The following MIIP variants were observed in gnomAD, a reference collection of about 807,000 sequenced individuals.
MIIP encodes the protein migration and invasion inhibitory protein.
MIIP carries 44 observed loss-of-function variants against 44.8 expected under a neutral mutation model. The ratio of observed to expected loss-of-function variants is 0.98; its 90% CI spans 0.77 to 1.26. MIIP has a LOEUF of 1.26. Ranked by LOEUF, MIIP falls within the 50% of genes most tolerant of loss-of-function variation. The probability of loss-of-function intolerance (pLI) is 0.00; values close to 1 mark genes in which losing one functional copy is unlikely to be tolerated. For synonymous variants in MIIP, 225 were observed against 218.3 expected (o/e 1.03, Z -0.27); for missense variants, 496 against 511.7 (o/e 0.97, Z 0.30).
chr1:12,020,154 C>G (rs766776699), intron 1 of MIIP, among the ~76,000 whole-genome samples: 15 of 152,176 alleles, frequency 9.9e-5, no homozygotes, highest in Non-Finnish European at 5.9e-5. Context: ...ACTCATGGAC[C>G]CTGGAGTCAA....
chr1:12,030,220 A>T lies in MIIP; in HGVS notation c.942+96A>T. ...GGGTCACAGAGCGAGACTGGGCTCG[A>T]CAAGGGTGAGCGCCCAAGTCTCTGG... On this transcript the variant is annotated intron_variant, in intron 8 of 9. Coordinates refer to ENST00000235332, the MANE Select transcript of MIIP (RefSeq NM_021933.4). 3 of 1,203,712 alleles carry T rather than the reference A, an allele frequency of 2.5e-6. No homozygotes were observed. In the South Asian group the frequency reaches 3.8e-5, roughly 15 times the overall value. 74.6% of individuals were successfully genotyped at this position (1,203,712 alleles called of 1,614,324 possible).
intron 9 of MIIP, 97 bp downstream of exon 9, chr1:12,031,500 T>C (rs1640242221): frequency 1.5e-5 from 24 of 1,562,166 alleles, no homozygotes; most frequent in Non-Finnish European, 2.1e-5. Context: ...GGGGGTAGGA[T>C]TGAGGTGGGG....
At position 12,031,274 on chromosome 1, in the gene MIIP, G is replaced by A. The variant is rs1003075967; in HGVS notation, c.951G>A (p.Leu317=). The change falls in exon 9 of 10, where the codon CTG becomes CTA. Residue 317 remains leucine, a synonymous_variant. Coordinates refer to ENST00000235332, the MANE Select transcript of MIIP (RefSeq NM_021933.4). ...CTCCTTGCCTTCCACAGCACTGCCT[G>A]CTGGGCTGGGACATTTTTCCTCCGA... is the stretch of plus-strand genomic sequence containing the variant. ...SDTLALPRHC[L]LGWDIFPPKS... The A allele has an allele frequency of 4.3e-6, 7 of 1,613,536 alleles. No homozygotes were observed. The highest frequency in any genetic ancestry group is 5.9e-6 in the Non-Finnish European group (7 of 1,179,778).
intron 8 of MIIP, among the ~76,000 whole-genome samples, chr1:12,030,604 C>T (rs894700618): frequency 5.0e-5 from 7 of 140,388 alleles, no homozygotes; most frequent in Non-Finnish European, 1.1e-4. Context: ...TTCTTACTGC[C>T]CAGGCTGGAG....
Position 12,029,152 on chromosome 1 carries a change from G to C in MIIP, c.656+11G>C, listed in dbSNP as rs757549978. 6 of 1,613,708 alleles carry C rather than the reference G, an allele frequency of 3.7e-6. 1 individual carries two copies. In the South Asian group the frequency reaches 6.6e-5, roughly 18 times the overall value. ...CTGCAGCCATCCTGAGTGAGCAGGG[G>C]CGGGCGAGGGTGGGCGAGGGCGGCT... is the stretch of plus-strand genomic sequence containing the variant. On this transcript the variant is annotated intron_variant, in intron 5 of 9. Transcript: ENST00000235332.
At chr1:12,023,059 C>CTTTTTT (rs869060053) in intron 4 of MIIP, 142 bp downstream of exon 4, 6 of 353,314 alleles carry the variant, frequency 1.7e-5, no homozygotes, top group Admixed American at 1.4e-4. Flanking sequence ...GGAGCACCCT[C>CTTTTTT]TTTTTTTTTT....
intron 4 of MIIP, 129 bp downstream of exon 4, chr1:12,023,046 T>C (rs1231912109): frequency 1.6e-5 from 9 of 560,300 alleles, no homozygotes; most frequent in Non-Finnish European, 2.5e-5. Flanking sequence ...CCATCCTCCG[T>C]GGGGAGCACC....
Position 12,022,901 on chromosome 1 carries a change from CTATGA to C in MIIP, c.532_536del (p.Tyr178LeufsTer17). On this transcript the variant is annotated frameshift_variant, in exon 4 of 10. Coordinates refer to ENST00000235332, the MANE Select transcript of MIIP (RefSeq NM_021933.4). LOFTEE classifies it high-confidence loss of function. ...GCTGGCGCCTCAGGCCATACCTGGGCTATGACTGGATTGCAGGTAAGGCGTGCTGT... is the reference window on the plus strand; with the variant it reads ...GCTGGCGCCTCAGGCCATACCTGGGCCTGGATTGCAGGTAAGGCGTGCTGT... 2 of 1,610,142 alleles carry C rather than the reference CTATGA, an allele frequency of 1.2e-6. No homozygotes were observed. Among genetic ancestry groups the C allele is most frequent in the South Asian group, 1.1e-5 (1 of 90,108 alleles).
Position 12,022,273 on chromosome 1 carries a change from C to T in MIIP, c.293C>T (p.Ala98Val). The change falls in exon 3 of 10, where the codon GCC (alanine) becomes GTC (valine). Residue 98 changes from alanine (A) to valine (V), a missense_variant. Physicochemically the swap from Ala to Val is moderately conservative, Grantham distance 64. Transcript: ENST00000235332. ...TCGGGGGTGGCCTCTCTCCCACCTGCCAAATGCCAGCACCAGGAGTCCCTG... is the reference window on the plus strand; with the variant it reads ...TCGGGGGTGGCCTCTCTCCCACCTGTCAAATGCCAGCACCAGGAGTCCCTG... ...ARSGVASLPP[A>V]KCQHQESLGR... 1.2e-6 allele frequency: 2 copies of T among 1,613,808 alleles called. No homozygotes were observed. Among genetic ancestry groups the T allele is most frequent in the Non-Finnish European group, 1.7e-6 (2 of 1,179,932 alleles).
At position 12,031,315 on chromosome 1, in the gene MIIP, C is replaced by T. The variant is rs751409525; in HGVS notation, c.992C>T (p.Ser331Leu). 32 of 1,613,880 alleles carry T rather than the reference C, an allele frequency of 2.0e-5. No individual in the cohort carries two copies. The highest frequency in any genetic ancestry group is 2.6e-5 in the Non-Finnish European group (31 of 1,179,926). Residue 331 changes from serine to leucine, a missense_variant, in exon 9 of 10, where the codon TCA becomes TTA. Physicochemically the swap from Ser to Leu is moderately radical, Grantham distance 145. Transcript: ENST00000235332. ...DIFPPKSEKS[S>L]APRNLDLWSS... ...TTTCCTCCGAAGTCTGAGAAAAGCT[C>T]AGCCCCCAGGAACCTGGACCTCTGG...
intron 9 of MIIP, 124 bp downstream of exon 9, chr1:12,031,527 G>T: frequency 1.3e-6 from 2 of 1,561,828 alleles, no homozygotes; most frequent in South Asian, 2.4e-5. Context: ...GAGCCTGGGA[G>T]TGTCTCTCTG....
rs748496731 is a variant in MIIP at position 12,022,276 on chromosome 1, A to C, written c.296A>C (p.Lys99Thr). ...GGGGTGGCCTCTCTCCCACCTGCCA[A>C]ATGCCAGCACCAGGAGTCCCTGGGC... ...RSGVASLPPAKCQHQESLGRP... is the reference protein window; with the variant it reads ...RSGVASLPPATCQHQESLGRP... Residue 99 changes from lysine (K) to threonine (T), a missense_variant, in exon 3 of 10, where the codon AAA becomes ACA. Coordinates refer to ENST00000235332, the MANE Select transcript of MIIP (RefSeq NM_021933.4). The C allele has an allele frequency of 1.2e-6, 2 of 1,613,660 alleles. No homozygotes were observed. Among genetic ancestry groups the C allele is most frequent in the African/African-American group, 1.3e-5 (1 of 74,882 alleles).
intron 4 of MIIP, among the ~76,000 whole-genome samples, chr1:12,023,758 G>A (rs1228415361): frequency 6.6e-6 from 1 of 151,778 alleles, no homozygotes; most frequent in South Asian, 2.1e-4. Flanking sequence ...CACTTTGGGA[G>A]GATGAGGTGG....
At chr1:12,020,850 AT>A (rs1240408940) in intron 1 of MIIP, among the ~76,000 whole-genome samples, 1 of 151,574 alleles carries the variant, frequency 6.6e-6, no homozygotes, top group Non-Finnish European at 1.5e-5. Context: ...CGCCCGGCTA[AT>A]TTTTGCATTT....
intron 4 of MIIP, among the ~76,000 whole-genome samples, chr1:12,026,283 C>T (rs1343050833): frequency 6.6e-6 from 1 of 152,044 alleles, no homozygotes; most frequent in Non-Finnish European, 1.5e-5. Context: ...CTAACCCGGG[C>T]GACAAAGTGA....
At position 12,029,131 on chromosome 1, in the gene MIIP, A is replaced by C. The variant is rs550699536; in HGVS notation, c.646A>C (p.Ser216Arg). Residue 216 changes from serine (S) to arginine (R), a missense_variant, in exon 5 of 10, where the codon AGC becomes CGC. Transcript: ENST00000235332. The stretch of plus-strand genomic sequence containing the variant: ...AACCAACAAGGAGGAGTGTATCTGC[A>C]GCCATCCTGAGTGAGCAGGGGCGGG... ...RETNKEECIC[S>R]HPEPQLPGLR... 3 of 1,613,670 alleles carry C rather than the reference A, an allele frequency of 1.9e-6. No individual in the cohort carries two copies. The African/African-American group carries it at 4.0e-5, about 22-fold the overall frequency.
intron 9 of MIIP, 38 bp downstream of exon 9, chr1:12,031,441 T>C: frequency 6.3e-7 from 1 of 1,598,314 alleles, no homozygotes; most frequent in Non-Finnish European, 8.5e-7. Flanking sequence ...GGGTGCCCCC[T>C]AGAGGGACAG....
Position 12,031,783 on chromosome 1 carries a change from C to T in MIIP, c.1142C>T (p.Pro381Leu). Residue 381 changes from proline to leucine, a missense_variant, in exon 10 of 10, where the codon CCC becomes CTC. Physicochemically the swap from Pro to Leu is moderately conservative, Grantham distance 98. Transcript: ENST00000235332. ...PTWSVPQVPR[P>L]HVPRQKP is the part of the protein sequence containing the mutation. ...TGGTCAGTGCCCCAGGTCCCTCGGCCCCACGTCCCACGGCAGAAGCCCTGA... is the reference window on the plus strand; with the variant it reads ...TGGTCAGTGCCCCAGGTCCCTCGGCTCCACGTCCCACGGCAGAAGCCCTGA... 1 of 1,613,930 alleles carries T rather than the reference C, an allele frequency of 6.2e-7. No individual in the cohort carries two copies. Among genetic ancestry groups the T allele is most frequent in the Non-Finnish European group, 8.5e-7 (1 of 1,179,916 alleles).
At chr1:12,028,080 G>T (rs530998507) in intron 4 of MIIP, among the ~76,000 whole-genome samples, 1 of 152,186 alleles carries the variant, frequency 6.6e-6, no homozygotes, top group Non-Finnish European at 1.5e-5. Context: ...GGTGGCGCAC[G>T]CCTGTAATTC....
Sources: gnomAD v4.1 joint callset for allele counts (sites outside exome capture counted in the v4.1 genomes callset) on GRCh38, gnomAD v4.1.1 for gene constraint, MANE v1.5 for transcripts, NCBI Gene and HGNC (gene_info 2026-07-23, HGNC 2026-07-21) for gene names.